Variants in TMEM163 observed in about 807,000 individuals in gnomAD.
The protein encoded by TMEM163 is transmembrane protein 163.
Under a neutral mutation model 29.3 loss-of-function variants are expected in TMEM163, and 17 were observed. The observed-to-expected ratio is 0.58, with a 90% CI of 0.40 to 0.87. The LOEUF (loss-of-function observed/expected upper bound fraction) is 0.87, where lower values mean the gene tolerates loss of function less well. Ranked by LOEUF, TMEM163 falls within the 40% of genes least tolerant of loss-of-function variation. TMEM163 has a pLI of 0.00. For synonymous variants in TMEM163, 157 were observed against 160.6 expected, an observed-to-expected ratio of 0.98 and a Z score of 0.17; for missense variants, 303 against 381.5, an observed-to-expected ratio of 0.79 and a Z score of 1.71.
chr2:134,481,376 AT>A (rs1264420310), intron 5 of TMEM163, among the ~76,000 whole-genome samples: 1 of 91,000 alleles, frequency 1.1e-5, no homozygotes. Flanking sequence ...TAATTGAATC[AT>A]GGGGGGGGGG....
intron 2 of TMEM163, among the ~76,000 whole-genome samples, chr2:134,650,018 AAAAAAAAG>A (rs1227681464): frequency 1.3e-5 from 2 of 150,588 alleles, no homozygotes; most frequent in Admixed American, 6.7e-5. Context: ...AAAAAAAAAA[AAAAAAAAG>A]AATGATGTAG....
chr2:134,707,279 G>T (rs1475733160), intron 2 of TMEM163, among the ~76,000 whole-genome samples: 5 of 152,220 alleles, frequency 3.3e-5, no homozygotes, highest in Non-Finnish European at 7.3e-5. Flanking sequence ...GCAAGGATTA[G>T]ATGCCACATC....
chr2:134,705,344 C>T (rs561735343), intron 2 of TMEM163, among the ~76,000 whole-genome samples: 1 of 152,116 alleles, frequency 6.6e-6, no homozygotes, highest in African/African-American at 2.4e-5. Flanking sequence ...AATCCATATG[C>T]CTGGTGTCCT....
intron 4 of TMEM163, among the ~76,000 whole-genome samples, chr2:134,545,186 G>C (rs1680752510): frequency 6.6e-6 from 1 of 152,088 alleles, no homozygotes; most frequent in Non-Finnish European, 1.5e-5. Flanking sequence ...TCTTTAGAGT[G>C]GCTGCATAGC....
At chr2:134,554,196 G>A (rs372314310) in intron 2 of TMEM163, among the ~76,000 whole-genome samples, 24 of 151,952 alleles carry the variant, frequency 1.6e-4, no homozygotes, top group Admixed American at 1.6e-3. Context: ...AGGCCAAGGT[G>A]GGGGGATCAC....
chr2:134,528,448 A>G (rs1680341228), intron 4 of TMEM163, among the ~76,000 whole-genome samples: 1 of 152,226 alleles, frequency 6.6e-6, no homozygotes. Flanking sequence ...CAGATGATAC[A>G]TTTTGATTTT....
chr2:134,667,737 A>G (rs1014246086), intron 2 of TMEM163, among the ~76,000 whole-genome samples: 1 of 152,242 alleles, frequency 6.6e-6, no homozygotes, highest in African/African-American at 2.4e-5. Context: ...GGATTTTCCC[A>G]AAGTGACTTA....
chr2:134,613,613 T>A (rs567641264), intron 2 of TMEM163, among the ~76,000 whole-genome samples: 1 of 152,112 alleles, frequency 6.6e-6, no homozygotes, highest in South Asian at 2.1e-4. Flanking sequence ...TTCAAGGTGC[T>A]GACAGAAAAA....
chr2:134,466,286 C>A, intron 5 of TMEM163, 61 bp from the exon 6 acceptor site: 3 of 1,382,324 alleles, frequency 2.2e-6, no homozygotes, highest in East Asian at 2.3e-5. Flanking sequence ...TCATCTGCAA[C>A]CCACTTGCCT....
chr2:134,475,307 A>G (rs1295264511), intron 5 of TMEM163, among the ~76,000 whole-genome samples: 1 of 152,200 alleles, frequency 6.6e-6, no homozygotes, highest in Non-Finnish European at 1.5e-5. Flanking sequence ...GAACAATTGG[A>G]TATGTGTACA....
At position 134,460,175 on chromosome 2, in the gene TMEM163, G is replaced by C. The variant is rs886307090; in HGVS notation, c.668-2002C>G. Among the ~76,000 whole-genome samples, 1 of 148,676 alleles carries C rather than the reference G, an allele frequency of 6.7e-6. No individual in the cohort carries two copies. The highest frequency in any genetic ancestry group is 1.5e-5 in the Non-Finnish European group (1 of 67,782). ...CCCGCCACAGCCAGAGGGACCCTCT[G>C]TCGGTGAGCAGCAGCCAGACTCTCC... On this transcript the variant is annotated intron_variant, in intron 6 of 7. Transcript: ENST00000281924. The surrounding 1 kb of genome is among the most constrained non-coding windows in gnomAD (Gnocchi z 4.3).
chr2:134,676,548 A>G lies in TMEM163; in HGVS notation c.322+36652T>C, dbSNP rs1232429602. On this transcript the variant is annotated intron_variant, in intron 2 of 7. Coordinates refer to ENST00000281924, the MANE Select transcript of TMEM163 (RefSeq NM_030923.5). ...TCACTGATTTCCAGTGTACAATTCA[A>G]TGGTTTTTAGTGTATTCAGAACTGT... Among the ~76,000 whole-genome samples the G allele has an allele frequency of 2.0e-5, 3 of 152,282 alleles. No individual in the cohort carries two copies. The East Asian group carries it at 5.8e-4, about 29-fold the overall frequency.
chr2:134,538,082 A>G (rs1327238136), intron 4 of TMEM163, among the ~76,000 whole-genome samples: 1 of 152,256 alleles, frequency 6.6e-6, no homozygotes, highest in Non-Finnish European at 1.5e-5. Context: ...TTGAGTTACC[A>G]TATAATCCAG....
chr2:134,588,968 C>T (rs6713696), intron 2 of TMEM163, among the ~76,000 whole-genome samples: 5,746 of 152,168 alleles, frequency 0.038, 164 homozygotes, highest in Admixed American at 0.085. Context: ...GGACATTTCA[C>T]ATTAGAGGGA....
intron 2 of TMEM163, among the ~76,000 whole-genome samples, chr2:134,613,814 TAA>T (rs1414445430): frequency 6.6e-6 from 1 of 152,154 alleles, no homozygotes; most frequent in African/African-American, 2.4e-5. Context: ...CTGAAAATTA[TAA>T]GAGTCTGATA....
chr2:134,702,878 C>T (rs1315025424), intron 2 of TMEM163, among the ~76,000 whole-genome samples: 2 of 151,986 alleles, frequency 1.3e-5, no homozygotes, highest in Non-Finnish European at 2.9e-5. Flanking sequence ...AAAACAGCCC[C>T]CACCACAGCA....
intron 2 of TMEM163, among the ~76,000 whole-genome samples, chr2:134,574,780 C>A (rs1364287929): frequency 6.6e-6 from 1 of 152,200 alleles, no homozygotes. Context: ...AAGGAGCAGA[C>A]TGCCAGATGG....
At chr2:134,574,742 C>T (rs775860233) in intron 2 of TMEM163, among the ~76,000 whole-genome samples, 4 of 152,138 alleles carry the variant, frequency 2.6e-5, no homozygotes, top group African/African-American at 4.8e-5. Flanking sequence ...CAGGATCCAG[C>T]ATGCTTTCAT....
chr2:134,604,161 C>T (rs951888388), intron 2 of TMEM163, among the ~76,000 whole-genome samples: 18 of 152,072 alleles, frequency 1.2e-4, no homozygotes, highest in Admixed American at 2.6e-4. Flanking sequence ...AGTAACTCTC[C>T]CCTGCTGAAA....
Sources: gnomAD v4.1 joint callset for allele counts (sites outside exome capture counted in the v4.1 genomes callset) on GRCh38, gnomAD v4.1.1 for gene constraint, Gnocchi (gnomAD v3.1) non-coding constraint, MANE v1.5 for transcripts, NCBI Gene and HGNC (gene_info 2026-07-23, HGNC 2026-07-21) for gene names.